The following SHC3 variants were observed in gnomAD, a reference collection of about 807,000 sequenced individuals.
SHC3 encodes SHC adaptor protein 3.
In SHC3, 15 loss-of-function variants were observed where a neutral mutation model predicts 60.4. The observed-to-expected ratio is 0.25, with a 90% confidence interval of 0.17 to 0.38. SHC3 has a LOEUF of 0.38. Ranked by LOEUF, SHC3 falls within the 10% of genes least tolerant of loss-of-function variation. The pLI is 1.00. For missense variants in SHC3, 677 were observed against 786.1 expected (o/e 0.86, Z 1.66); for synonymous variants, 294 against 325.9 (o/e 0.90, Z 1.05).
chr9:89,087,673 A>G (rs547903043), intron 2 of SHC3, among the ~76,000 whole-genome samples: 1 of 152,340 alleles, frequency 6.6e-6, no homozygotes, highest in Admixed American at 6.5e-5. Context: ...GATGATATAA[A>G]CCAAAAATAA....
chr9:89,028,757 C>A (rs972528906), intron 11 of SHC3, among the ~76,000 whole-genome samples: 11 of 143,844 alleles, frequency 7.6e-5, no homozygotes, highest in Non-Finnish European at 1.5e-4. Context: ...TATATTCTCT[C>A]TATATATATA....
intron 2 of SHC3, among the ~76,000 whole-genome samples, chr9:89,100,080 TTA>T (rs1564142977): frequency 1.3e-5 from 2 of 152,198 alleles, no homozygotes; most frequent in Non-Finnish European, 2.9e-5. Context: ...TAAACGTTAA[TTA>T]AAAGCTCATG....
chr9:89,117,855 G>A (rs1469020169), intron 1 of SHC3, among the ~76,000 whole-genome samples: 1 of 152,040 alleles, frequency 6.6e-6, no homozygotes, highest in Non-Finnish European at 1.5e-5. Flanking sequence ...GAAGAGTTAT[G>A]ATATTTAGCT....
chr9:89,098,444 C>T (rs1458806671), intron 2 of SHC3, among the ~76,000 whole-genome samples: 5 of 152,152 alleles, frequency 3.3e-5, no homozygotes, highest in Non-Finnish European at 7.4e-5. Flanking sequence ...TAACATTGTC[C>T]TCAGGAAATG....
At chr9:89,152,931 C>T (rs539062301) in intron 1 of SHC3, among the ~76,000 whole-genome samples, 33 of 152,122 alleles carry the variant, frequency 2.2e-4, no homozygotes, top group African/African-American at 7.0e-4. Context: ...AGATAATTGC[C>T]GTAAACTAAT....
At chr9:89,021,728 A>G (rs931716052) in intron 11 of SHC3, among the ~76,000 whole-genome samples, 5 of 152,176 alleles carry the variant, frequency 3.3e-5, no homozygotes, top group Admixed American at 3.3e-4. Context: ...CAGTGCTAGG[A>G]ATCGGAACCT....
At chr9:89,035,844 T>G (rs1415593527) in intron 11 of SHC3, among the ~76,000 whole-genome samples, 2 of 103,892 alleles carry the variant, frequency 1.9e-5, no homozygotes, top group African/African-American at 3.9e-5. Context: ...TATATATATA[T>G]ATATAGATGT....
chr9:89,143,034 G>A lies in SHC3; in HGVS notation c.475-30408C>T, dbSNP rs571287737. Among the ~76,000 whole-genome samples the A allele has an allele frequency of 5.3e-5, 8 of 152,202 alleles. No individual in the cohort carries two copies. The East Asian group carries it at 5.8e-4, about 11-fold the overall frequency. The stretch of plus-strand genomic sequence containing the variant: ...AGAGGGATATTGGATCTCGGATCTC[G>A]CACAAGAAAGAATTTGAGGTGAGTC... On this transcript the variant is annotated intron_variant, in intron 1 of 11. Coordinates refer to ENST00000375835, the MANE Select transcript of SHC3 (RefSeq NM_016848.6).
intron 1 of SHC3, among the ~76,000 whole-genome samples, chr9:89,169,192 A>T (rs965125329): frequency 6.6e-6 from 1 of 152,220 alleles, no homozygotes; most frequent in African/African-American, 2.4e-5. Context: ...GGCTCCTCTG[A>T]TGCTGGAAGA....
intron 1 of SHC3, among the ~76,000 whole-genome samples, chr9:89,148,331 T>C (rs879573332): frequency 2.2e-4 from 33 of 152,282 alleles, no homozygotes; most frequent in South Asian, 8.3e-4. Flanking sequence ...AAAAATGGAA[T>C]CTGATCTTAG....
At chr9:89,153,538 T>C (rs906602941) in intron 1 of SHC3, among the ~76,000 whole-genome samples, 5 of 152,220 alleles carry the variant, frequency 3.3e-5, no homozygotes, top group African/African-American at 1.2e-4. Context: ...CTGTTACTGC[T>C]GTGGCCCCAA....
intron 6 of SHC3, among the ~76,000 whole-genome samples, chr9:89,059,568 C>CG (rs1825032538): frequency 7.5e-6 from 1 of 132,818 alleles, no homozygotes; most frequent in African/African-American, 2.8e-5. Flanking sequence ...TGGTGGAGGA[C>CG]GTGGTGGAGG....
chr9:89,006,457 C>T lies in SHC3; in HGVS notation c.*6990G>A, dbSNP rs1271975459. The stretch of plus-strand genomic sequence containing the variant: ...CCACTCCTCAGGGATGTCAAAAAAG[C>T]CAGTTCTGTTCCAGCACAAAGTAGA... On this transcript the variant is annotated 3_prime_UTR_variant, in exon 12 of 12. Coordinates refer to ENST00000375835, the MANE Select transcript of SHC3 (RefSeq NM_016848.6). 1 of 152,220 alleles carries T rather than the reference C, an allele frequency of 6.6e-6. No homozygotes were observed. Among genetic ancestry groups the T allele is most frequent in the Non-Finnish European group, 1.5e-5 (1 of 68,034 alleles). The allele number at this position is 152,220 out of a possible 1,614,324, so 9.4% of individuals were successfully genotyped here.
chr9:89,114,296 A>C (rs1312374068), intron 1 of SHC3, among the ~76,000 whole-genome samples: 1 of 152,186 alleles, frequency 6.6e-6, no homozygotes. Flanking sequence ...AAAACTATGA[A>C]CAATTCAGAG....
chr9:89,053,932 TC>T (rs989034968), intron 6 of SHC3, among the ~76,000 whole-genome samples: 29 of 152,232 alleles, frequency 1.9e-4, no homozygotes, highest in African/African-American at 6.7e-4. Context: ...GCCACGCCCC[TC>T]CCGGCCCTGC....
chr9:89,168,016 C>A (rs549775420), intron 1 of SHC3, among the ~76,000 whole-genome samples: 1 of 152,374 alleles, frequency 6.6e-6, no homozygotes, highest in South Asian at 2.1e-4. Context: ...AGCTTGCGAA[C>A]CACAGCCATG....
At chr9:89,027,363 AGGCTGGAGTGCAGT>A (rs1230205476) in intron 11 of SHC3, among the ~76,000 whole-genome samples, 1 of 134,272 alleles carries the variant, frequency 7.4e-6, no homozygotes, top group Non-Finnish European at 1.5e-5. Context: ...GCTGTCGCCC[AGGCTGGAGTGCAGT>A]GGCACGATCT....
At chr9:89,114,196 C>CA (rs1332419064) in intron 1 of SHC3, among the ~76,000 whole-genome samples, 14 of 152,164 alleles carry the variant, frequency 9.2e-5, no homozygotes, top group African/African-American at 3.4e-4. Context: ...GAAGATACCA[C>CA]AAAAAAACCA....
intron 1 of SHC3, among the ~76,000 whole-genome samples, chr9:89,160,950 C>T (rs528349931): frequency 6.6e-6 from 1 of 152,310 alleles, no homozygotes; most frequent in Admixed American, 6.5e-5. Context: ...CAGCAGTATA[C>T]AAATAGGCTC....
Sources: allele counts gnomAD v4.1 joint callset (sites outside exome capture counted in the v4.1 genomes callset), GRCh38; gene constraint gnomAD v4.1.1; transcripts MANE v1.5; gene names NCBI Gene and HGNC (gene_info 2026-07-23, HGNC 2026-07-21).